The following MEI4 variants were observed in gnomAD, a reference collection of about 807,000 sequenced individuals.
MEI4 encodes the protein meiosis-specific protein MEI4.
Under a neutral mutation model 31.4 loss-of-function variants are expected in MEI4, and 27 were observed. That is an observed-to-expected ratio of 0.86 (90% CI 0.63 to 1.19). The LOEUF is 1.19. Among genes scored for constraint, MEI4 ranks in the 50% most tolerant of loss-of-function variants. The pLI is 0.00. For synonymous variants in MEI4, 122 were observed against 145.4 expected (o/e 0.84, Z 1.16); for missense variants, 329 against 398.9 (o/e 0.82, Z 1.49).
Position 77,923,201 on chromosome 6 carries a change from A to T in MEI4, c.1013A>T (p.His338Leu), listed in dbSNP as rs1490756383. The change falls in exon 5 of 5, where the codon CAT becomes CTT. Residue 338 changes from histidine (H) to leucine (L), a missense_variant. By Grantham distance (99) the His-to-Leu change is moderately conservative. Transcript: ENST00000684080. ...GAAGGCAACACTTCAAGTATAGGTC[A>T]TGATGACCAAGAAATCAAGAAATTT... ...TEEGNTSSIG[H>L]DDQEIKKFLQ... The T allele has an allele frequency of 1.6e-6, 2 of 1,230,562 alleles. No homozygotes were observed. Among genetic ancestry groups the T allele is most frequent in the Non-Finnish European group, 2.0e-6 (2 of 986,970 alleles). 76.2% of individuals were successfully genotyped at this position (1,230,562 alleles called of 1,614,324 possible). A position where few individuals can be genotyped will look rare whatever the true frequency, so the allele number is the denominator to read the frequency against.
intron 4 of MEI4, among the ~76,000 whole-genome samples, chr6:77,831,603 G>C (rs921066938): frequency 5.3e-5 from 8 of 151,610 alleles, no homozygotes; most frequent in African/African-American, 1.9e-4. Context: ...CTCATCATTT[G>C]CAGAGCATGG....
chr6:77,680,732 A>C (rs543071279), intron 1 of MEI4, among the ~76,000 whole-genome samples: 1 of 152,098 alleles, frequency 6.6e-6, no homozygotes, highest in African/African-American at 2.4e-5. Context: ...ATCCATGTAG[A>C]CTATAATAAA....
At chr6:77,799,083 G>T (rs1769169814) in intron 3 of MEI4, among the ~76,000 whole-genome samples, 2 of 152,242 alleles carry the variant, frequency 1.3e-5, no homozygotes, top group African/African-American at 4.8e-5. Flanking sequence ...CTTCCACAAT[G>T]GTTGAACTAG....
chr6:77,655,965 C>G (rs1478713820), intron 1 of MEI4, among the ~76,000 whole-genome samples: 3 of 152,160 alleles, frequency 2.0e-5, no homozygotes, highest in Non-Finnish European at 4.4e-5. Flanking sequence ...GCATAGCCTT[C>G]ATTTAAGTCA....
At chr6:77,706,898 A>G (rs1766344681) in intron 2 of MEI4, among the ~76,000 whole-genome samples, 1 of 152,136 alleles carries the variant, frequency 6.6e-6, no homozygotes, top group South Asian at 2.1e-4. Flanking sequence ...CTATAGAACC[A>G]CGAACCAAAT....
At chr6:77,796,000 A>G (rs1471108925) in intron 3 of MEI4, among the ~76,000 whole-genome samples, 1 of 152,206 alleles carries the variant, frequency 6.6e-6, no homozygotes, top group African/African-American at 2.4e-5. Flanking sequence ...TGCAAAATGC[A>G]CAACAAAATA....
At chr6:77,700,470 C>T (rs1257621472) in intron 2 of MEI4, among the ~76,000 whole-genome samples, 1 of 152,138 alleles carries the variant, frequency 6.6e-6, no homozygotes, top group Non-Finnish European at 1.5e-5. Flanking sequence ...TGGGAGTGAC[C>T]CGATTTTCCA....
chr6:77,918,074 T>C (rs1370869332), intron 4 of MEI4, among the ~76,000 whole-genome samples: 2 of 151,098 alleles, frequency 1.3e-5, no homozygotes, highest in Non-Finnish European at 1.5e-5. Context: ...GATCAGATAG[T>C]TGTAGATATG....
At chr6:77,868,838 C>T (rs1771127871) in intron 4 of MEI4, among the ~76,000 whole-genome samples, 1 of 152,016 alleles carries the variant, frequency 6.6e-6, no homozygotes, top group Non-Finnish European at 1.5e-5. Flanking sequence ...CTGTGATCAT[C>T]CCTGAGGTCC....
At chr6:77,741,071 C>A (rs1767388515) in intron 2 of MEI4, among the ~76,000 whole-genome samples, 1 of 152,000 alleles carries the variant, frequency 6.6e-6, no homozygotes, top group African/African-American at 2.4e-5. Flanking sequence ...AAATTTGAAG[C>A]AGGGTTTGAA....
At chr6:77,685,764 T>C (rs1769043659) in intron 1 of MEI4, among the ~76,000 whole-genome samples, 1 of 152,170 alleles carries the variant, frequency 6.6e-6, no homozygotes. Flanking sequence ...CTGCATATTC[T>C]ATAATTCCCA....
In MEI4 at chr6:77,712,606, C is replaced by A. The variant is rs181948881; in HGVS notation, c.232+21703C>A. On this transcript the variant is annotated intron_variant, in intron 2 of 4. Coordinates refer to ENST00000684080, the MANE Select transcript of MEI4 (RefSeq NM_001322247.2). ...ATAGATACTAATGAATGATCATAATCAACATTTATCATCCAGTAGGTGCTC... is the reference window on the plus strand; with the variant it reads ...ATAGATACTAATGAATGATCATAATAAACATTTATCATCCAGTAGGTGCTC... 4.7e-3 allele frequency among the ~76,000 whole-genome samples: 713 copies of A among 152,212 alleles called. 5 individuals are homozygous for A. Among genetic ancestry groups the A allele is most frequent in the African/African-American group, 0.017 (695 of 41,532 alleles).
At position 77,733,533 on chromosome 6, in the gene MEI4, T is replaced by C. The variant is rs183355870; in HGVS notation, c.233-27597T>C. Among the ~76,000 whole-genome samples the C allele has an allele frequency of 8.0e-3, 1,212 of 152,184 alleles. 34 individuals are homozygous for C. The highest frequency in any genetic ancestry group is 0.028 in the African/African-American group (1,162 of 41,446). ...TCTTCTCTCTTTTTTTCTTTATTAGTCTTGCTAGCGGTTTATCAGTTTTGT... is the reference window on the plus strand; with the variant it reads ...TCTTCTCTCTTTTTTTCTTTATTAGCCTTGCTAGCGGTTTATCAGTTTTGT... On this transcript the variant is annotated intron_variant, in intron 2 of 4. Coordinates refer to ENST00000684080, the MANE Select transcript of MEI4 (RefSeq NM_001322247.2).
intron 3 of MEI4, among the ~76,000 whole-genome samples, chr6:77,810,289 A>C (rs957310814): frequency 2.6e-5 from 4 of 152,150 alleles, no homozygotes; most frequent in African/African-American, 9.7e-5. Flanking sequence ...TGGATCTGCA[A>C]ATCTTCCTCC....
rs149546612 is a variant in MEI4 at position 77,707,874 on chromosome 6, T to C, written c.232+16971T>C. Among the ~76,000 whole-genome samples, 1,308 of 152,338 alleles carry C rather than the reference T, an allele frequency of 8.6e-3. 22 individuals carry two copies. The highest frequency in any genetic ancestry group is 0.029 in the African/African-American group (1,208 of 41,582). On this transcript the variant is annotated intron_variant, in intron 2 of 4. Coordinates refer to ENST00000684080, the MANE Select transcript of MEI4 (RefSeq NM_001322247.2). ...CTTCCACTTGGTGTTAAGGCTGCAG[T>C]TGCATACAATGGAAGAGTGAAGGAG...
intron 4 of MEI4, among the ~76,000 whole-genome samples, chr6:77,895,878 C>T (rs768167175): frequency 1.3e-5 from 2 of 152,088 alleles, no homozygotes; most frequent in Non-Finnish European, 1.5e-5. Context: ...ATTCCAGTTC[C>T]TGAACCTTGT....
At position 77,740,933 on chromosome 6, in the gene MEI4, A is replaced by G. The variant is rs543260109; in HGVS notation, c.233-20197A>G. Reference sequence around the variant, plus strand: ...TACCCTGAAGAACCTCGTCTTTACAATAGGGAGTCACTAAAACCCTTAAAA... The same window carrying G: ...TACCCTGAAGAACCTCGTCTTTACAGTAGGGAGTCACTAAAACCCTTAAAA... On this transcript the variant is annotated intron_variant, in intron 2 of 4. Transcript: ENST00000684080. 2.6e-5 allele frequency among the ~76,000 whole-genome samples: 4 copies of G among 152,278 alleles called. No homozygotes were observed. In the East Asian group the frequency reaches 7.7e-4, roughly 29 times the overall value.
intron 4 of MEI4, among the ~76,000 whole-genome samples, chr6:77,919,444 A>G (rs955439886): frequency 1.4e-4 from 21 of 152,224 alleles, no homozygotes; most frequent in African/African-American, 4.3e-4. Context: ...TGTTCTTTGA[A>G]ACCAACGAGA....
intron 2 of MEI4, among the ~76,000 whole-genome samples, chr6:77,756,102 A>G (rs901644044): frequency 6.6e-6 from 1 of 152,150 alleles, no homozygotes; most frequent in Non-Finnish European, 1.5e-5. Flanking sequence ...TCATACAAGC[A>G]AAGAATAGAA....
Sources: gnomAD v4.1 joint callset for allele counts (sites outside exome capture counted in the v4.1 genomes callset) on GRCh38, gnomAD v4.1.1 for gene constraint, MANE v1.5 for transcripts, NCBI Gene and HGNC (gene_info 2026-07-23, HGNC 2026-07-21) for gene names.